The following PCID2 variants were observed in gnomAD, a reference collection of about 807,000 sequenced individuals.
The protein encoded by PCID2 is PCI domain-containing protein 2.
PCID2 carries 41 observed loss-of-function variants against 61.3 expected under a neutral mutation model. The observed-to-expected ratio is 0.67, with a 90% CI of 0.52 to 0.87. PCID2 has a LOEUF of 0.87. PCID2 is among the 40% of genes least tolerant of loss of function. PCID2 has a pLI of 0.00. For synonymous variants in PCID2, 187 were observed against 177.8 expected (o/e 1.05, Z -0.41); for missense variants, 392 against 493.4 (o/e 0.79, Z 1.95).
chr13:113,172,765 G>A (rs1477020832), downstream of PCID2, among the ~76,000 whole-genome samples: 3 of 152,212 alleles, frequency 2.0e-5, no homozygotes, highest in Non-Finnish European at 4.4e-5. Context: ...CCCGAAGTCA[G>A]GGCTGAGCAC....
chr13:113,172,216 G>A, the PCID2 span: 1 of 1,452,210 alleles, frequency 6.9e-7, no homozygotes, highest in Non-Finnish European at 9.4e-7. Context: ...GGCCGTCACA[G>A]CCCCAGACCA....
the PCID2 span, among the ~76,000 whole-genome samples, chr13:113,165,855 A>C: frequency 2.1e-4 from 32 of 152,144 alleles, no homozygotes; most frequent in African/African-American, 7.5e-4. Context: ...CTGTTTACTT[A>C]ATGGTCACTC....
chr13:113,170,302 G>A, the PCID2 span: 1 of 665,986 alleles, frequency 1.5e-6, no homozygotes, highest in Admixed American at 2.2e-5. Context: ...CCTTTGGCGG[G>A]GGGTGGGGGT....
At chr13:113,165,130 C>T in the PCID2 span, 34 of 1,608,492 alleles carry the variant, frequency 2.1e-5, no homozygotes, top group East Asian at 2.5e-4. Context: ...GGTAACAGAG[C>T]GCTCTCCGCG....
intron 2 of PCID2, 97 bp downstream of exon 2, chr13:113,200,330 A>G (rs2039324321): frequency 1.3e-6 from 1 of 746,450 alleles, no homozygotes; most frequent in African/African-American, 1.8e-5. Context: ...GAGTGACAAT[A>G]TTAGTTTTCT....
the PCID2 span, chr13:113,172,246 A>G: frequency 8.4e-7 from 1 of 1,194,580 alleles, no homozygotes; most frequent in African/African-American, 1.5e-5. Context: ...CCCACGCAGC[A>G]GCAGAGCCGC....
At chr13:113,170,354 A>C in the PCID2 span, 1 of 1,052,948 alleles carries the variant, frequency 9.5e-7, no homozygotes, top group Non-Finnish European at 1.5e-6. Context: ...AGTAGACTTT[A>C]CTGCCCCTAA....
intron 1 of PCID2, among the ~76,000 whole-genome samples, chr13:113,203,572 T>C (rs1338495548): frequency 6.6e-6 from 1 of 152,202 alleles, no homozygotes; most frequent in Non-Finnish European, 1.5e-5. Context: ...CCAATCATCA[T>C]CAAGAAGCTG....
At chr13:113,206,238 G>C (rs921716211) in intron 1 of PCID2, among the ~76,000 whole-genome samples, 1 of 152,194 alleles carries the variant, frequency 6.6e-6, no homozygotes, top group East Asian at 1.9e-4. Context: ...TAGAGATGGA[G>C]AGTCACAGAA....
the PCID2 span, among the ~76,000 whole-genome samples, chr13:113,167,121 G>C: frequency 6.6e-6 from 1 of 152,138 alleles, no homozygotes; most frequent in East Asian, 1.9e-4. Context: ...CAGGACATAG[G>C]GTTGAAGATT....
At chr13:113,205,324 C>T (rs554875532) in intron 1 of PCID2, among the ~76,000 whole-genome samples, 10 of 152,222 alleles carry the variant, frequency 6.6e-5, no homozygotes, top group Admixed American at 3.9e-4. Context: ...CAAGAAGATA[C>T]CACTCCGCAC....
At chr13:113,188,768 C>T (rs914100519) in intron 7 of PCID2, among the ~76,000 whole-genome samples, 2 of 152,236 alleles carry the variant, frequency 1.3e-5, no homozygotes, top group East Asian at 1.9e-4. Flanking sequence ...GTGAGCCACA[C>T]TCCTGCTTCT....
At chr13:113,208,529 G>T in intron 1 of PCID2, 70 bp downstream of exon 1, 1 of 1,576,430 alleles carries the variant, frequency 6.3e-7, no homozygotes, top group East Asian at 2.3e-5. Context: ...GAGGGTCCAA[G>T]GCAGGAGGGG....
At chr13:113,165,081 TGA>T in the PCID2 span, 1 of 1,613,056 alleles carries the variant, frequency 6.2e-7, no homozygotes, top group African/African-American at 1.3e-5. Flanking sequence ...TGCTGACCTC[TGA>T]GAAGCGTGCA....
At position 113,183,791 on chromosome 13, in the gene PCID2, G is replaced by A. The variant is rs1223790827; in HGVS notation, c.685+555C>T. ...TCCTGTTCTTGAGAAAGTTACCAAC[G>A]TAAACTAATACAATAGTGTCAGGTG... On this transcript the variant is annotated intron_variant, in intron 9 of 13. Transcript: ENST00000337344. The A allele has an allele frequency of 1.1e-5, 11 of 984,730 alleles. No homozygotes were observed. In the East Asian group the frequency reaches 1.0e-3, roughly 91 times the overall value. 61.0% of individuals were successfully genotyped at this position (984,730 alleles called of 1,614,324 possible). A position where few individuals can be genotyped will look rare whatever the true frequency, so the allele number is the denominator to read the frequency against.
chr13:113,201,810 C>T (rs1369408296), intron 1 of PCID2, among the ~76,000 whole-genome samples: 3 of 120,026 alleles, frequency 2.5e-5, no homozygotes, highest in South Asian at 5.0e-4. Context: ...AGCAAGACTC[C>T]GTCTCAAAAA....
intron 7 of PCID2, chr13:113,187,758 T>C (rs1371549019): frequency 6.6e-6 from 1 of 152,238 alleles, no homozygotes; most frequent in Non-Finnish European, 1.5e-5. Flanking sequence ...TAGGCCCTTA[T>C]CAGATGTATT....
intron 8 of PCID2, among the ~76,000 whole-genome samples, 197 bp from the exon 9 acceptor site, chr13:113,184,684 G>A (rs538402377): frequency 1.1e-4 from 16 of 152,010 alleles, no homozygotes; most frequent in Middle Eastern, 3.4e-3. Flanking sequence ...AAGCCGTTCC[G>A]GGGGCGCAGC....
Position 113,185,540 on chromosome 13 carries a change from G to C in PCID2, c.488C>G (p.Ser163Cys), listed in dbSNP as rs2038032844. 1 of 1,611,616 alleles carries C rather than the reference G, an allele frequency of 6.2e-7. No individual in the cohort carries two copies. Among genetic ancestry groups the C allele is most frequent in the South Asian group, 1.1e-5 (1 of 91,024 alleles). ...ASDTRAGIED[S>C]KKWGMLFLVN... ...CAGAAACAGCATGCCCCACTTCTTA[G>C]AGTCCTCTATACCAGCACGGCTATG... The change falls in exon 8 of 14, where the codon TCT becomes TGT. Residue 163 changes from serine (S) to cysteine (C), a missense_variant. Ser to Cys is a moderately radical substitution (Grantham distance 112). This residue lies in a region of PCID2 where 226 missense variants were observed against 296.5 expected (regional missense o/e 0.76). Coordinates refer to ENST00000337344, the MANE Select transcript of PCID2 (RefSeq NM_001127202.4).
Sources: gnomAD v4.1 joint callset for allele counts (sites outside exome capture counted in the v4.1 genomes callset) on GRCh38, gnomAD v4.1.1 for gene constraint, gnomAD v4.1.1 regional missense constraint, MANE v1.5 for transcripts, NCBI Gene and HGNC (gene_info 2026-07-23, HGNC 2026-07-21) for gene names.